Variants in CAMTA1 observed in about 807,000 individuals in gnomAD.
CAMTA1 encodes the protein calmodulin-binding transcription activator 1.
A neutral mutation model predicts 170.9 loss-of-function variants in CAMTA1; 27 were observed. The observed-to-expected ratio is 0.16, with a 90% CI of 0.12 to 0.22. The LOEUF (loss-of-function observed/expected upper bound fraction) is 0.22, where lower values mean the gene tolerates loss of function less well. CAMTA1 is among the 10% of genes least tolerant of loss of function. The pLI is 1.00. For synonymous variants in CAMTA1, 833 were observed against 891.5 expected (o/e 0.93, Z 1.17); for missense variants, 1,619 against 2,217.2 (o/e 0.73, Z 5.42).
intron 3 of CAMTA1, among the ~76,000 whole-genome samples, chr1:7,055,775 G>A (rs1037222498): frequency 2.6e-5 from 4 of 152,296 alleles, no homozygotes; most frequent in African/African-American, 7.2e-5. Flanking sequence ...TTTCTATCCC[G>A]GAGTTTACCT....
chr1:7,403,078 C>G (rs1301277848), intron 5 of CAMTA1, among the ~76,000 whole-genome samples: 2 of 152,132 alleles, frequency 1.3e-5, no homozygotes. Context: ...ATCACCCAGG[C>G]GCGGTGGCTC....
At chr1:7,335,143 G>GTGTGT (rs2083290253) in intron 5 of CAMTA1, among the ~76,000 whole-genome samples, 2 of 69,870 alleles carry the variant, frequency 2.9e-5, no homozygotes, top group Admixed American at 1.7e-4. Context: ...TGTGTGTGGG[G>GTGTGT]GGGGGGGGGG....
intron 6 of CAMTA1, among the ~76,000 whole-genome samples, chr1:7,511,754 G>T (rs983106147): frequency 3.3e-5 from 5 of 152,178 alleles, no homozygotes; most frequent in African/African-American, 7.2e-5. Context: ...AATCTGGCCA[G>T]GTGTTTCCCG....
chr1:7,084,825 C>T (rs879812657), intron 3 of CAMTA1, among the ~76,000 whole-genome samples: 1 of 152,200 alleles, frequency 6.6e-6, no homozygotes, highest in Non-Finnish European at 1.5e-5. Context: ...GTGGGAAACA[C>T]ACAGGGACTT....
At chr1:7,487,723 C>T (rs183903518) in intron 6 of CAMTA1, among the ~76,000 whole-genome samples, 232 of 152,342 alleles carry the variant, frequency 1.5e-3, no homozygotes, top group Middle Eastern at 3.4e-3. Context: ...GACAAGACTG[C>T]AAGAAACTGA....
At chr1:7,405,494 C>T (rs755128869) in intron 5 of CAMTA1, among the ~76,000 whole-genome samples, 3 of 152,122 alleles carry the variant, frequency 2.0e-5, no homozygotes, top group Non-Finnish European at 2.9e-5. Flanking sequence ...CTTCAGCCTC[C>T]AGAATAGTTG....
intron 7 of CAMTA1, among the ~76,000 whole-genome samples, chr1:7,652,067 A>C: frequency 6.6e-6 from 1 of 151,638 alleles, no homozygotes; most frequent in East Asian, 1.9e-4. Flanking sequence ...CCATACCCCA[A>C]ATGAGGAGGC....
intron 5 of CAMTA1, among the ~76,000 whole-genome samples, chr1:7,302,693 A>G (rs1369143719): frequency 6.6e-6 from 1 of 152,134 alleles, no homozygotes; most frequent in Non-Finnish European, 1.5e-5. Context: ...GCTTCTCCCC[A>G]TCCCAGAGTC....
At chr1:7,391,628 C>G (rs1575081233) in intron 5 of CAMTA1, among the ~76,000 whole-genome samples, 1 of 152,142 alleles carries the variant, frequency 6.6e-6, no homozygotes, top group Admixed American at 6.5e-5. Context: ...TGGTTTCTAT[C>G]AGCTCAAAAA....
chr1:7,054,978 G>T (rs547798446), intron 3 of CAMTA1, among the ~76,000 whole-genome samples: 8 of 152,228 alleles, frequency 5.3e-5, no homozygotes, highest in African/African-American at 1.9e-4. Context: ...CGTGGCTGGG[G>T]CAGGAGCAAG....
chr1:7,048,967 A>G (rs973026153), intron 3 of CAMTA1, among the ~76,000 whole-genome samples: 2 of 152,240 alleles, frequency 1.3e-5, no homozygotes, highest in South Asian at 4.1e-4. Flanking sequence ...TTAAACTTAC[A>G]GACAGGCCAA....
chr1:7,132,011 C>G (rs1001478616), intron 4 of CAMTA1, among the ~76,000 whole-genome samples: 2 of 151,690 alleles, frequency 1.3e-5, no homozygotes, highest in African/African-American at 2.4e-5. Context: ...CGAGATCGAA[C>G]CACTGTACTC....
At chr1:7,056,514 A>G (rs766292111) in intron 3 of CAMTA1, among the ~76,000 whole-genome samples, 20 of 152,228 alleles carry the variant, frequency 1.3e-4, no homozygotes, top group Non-Finnish European at 2.5e-4. Flanking sequence ...AAACAGTGAC[A>G]TAAGACAAAT....
chr1:7,429,948 G>A (rs996842006), intron 5 of CAMTA1, among the ~76,000 whole-genome samples: 4 of 152,144 alleles, frequency 2.6e-5, no homozygotes, highest in East Asian at 1.9e-4. Flanking sequence ...CTGTCACCAC[G>A]ACAGCACCAA....
At chr1:7,521,413 GA>G (rs1004271217) in intron 6 of CAMTA1, among the ~76,000 whole-genome samples, 19 of 152,072 alleles carry the variant, frequency 1.2e-4, no homozygotes, top group African/African-American at 3.6e-4. Context: ...CCAGAATGTT[GA>G]TACAAGCCAC....
Position 7,093,272 on chromosome 1 carries a change from C to T in CAMTA1, c.302+1901C>T, listed in dbSNP as rs887411961. Among the ~76,000 whole-genome samples, 8 of 152,156 alleles carry T rather than the reference C, an allele frequency of 5.3e-5. No homozygotes were observed. Among genetic ancestry groups the T allele is most frequent in the African/African-American group, 1.9e-4 (8 of 41,426 alleles). ...CTGAACATGTGTTATTTCTAACAAG[C>T]TCCCAGGCAGTAGGATGTGGCTGGT... On this transcript the variant is annotated intron_variant, in intron 4 of 22. Transcript: ENST00000303635. The surrounding 1 kb of genome is among the most constrained non-coding windows in gnomAD (Gnocchi z 4.6).
intron 4 of CAMTA1, among the ~76,000 whole-genome samples, chr1:7,175,420 G>T (rs1419529373): frequency 1.3e-5 from 2 of 152,192 alleles, no homozygotes; most frequent in African/African-American, 4.8e-5. Context: ...AGAGTATCTT[G>T]TTTGAACAGT....
chr1:6,936,255 G>A (rs1685287995), intron 3 of CAMTA1, among the ~76,000 whole-genome samples: 1 of 152,230 alleles, frequency 6.6e-6, no homozygotes, highest in Admixed American at 6.5e-5. Context: ...AGTATCTAAT[G>A]TGGCAATTTT....
At chr1:7,077,909 G>T (rs1639513568) in intron 3 of CAMTA1, among the ~76,000 whole-genome samples, 1 of 151,884 alleles carries the variant, frequency 6.6e-6, no homozygotes, top group African/African-American at 2.4e-5. Flanking sequence ...GGCTGTATTG[G>T]TTAATGTTCT....
Sources: allele counts gnomAD v4.1 joint callset (sites outside exome capture counted in the v4.1 genomes callset), GRCh38; gene constraint gnomAD v4.1.1; non-coding constraint Gnocchi (gnomAD v3.1); transcripts MANE v1.5; gene names NCBI Gene and HGNC (gene_info 2026-07-23, HGNC 2026-07-21).